Variants in VPS13C observed in about 807,000 individuals in gnomAD.
VPS13C encodes the protein vacuolar protein sorting 13 homolog C, also known as intermembrane lipid transfer protein VPS13C.
VPS13C carries 358 observed loss-of-function variants against 456.8 expected under a neutral mutation model. That is an observed-to-expected ratio of 0.78 (90% CI 0.72 to 0.86). The LOEUF (loss-of-function observed/expected upper bound fraction) is 0.86, where lower values mean the gene tolerates loss of function less well. Ranked by LOEUF, VPS13C falls within the 40% of genes least tolerant of loss-of-function variation. VPS13C has a pLI of 0.00. For synonymous variants in VPS13C, 1,578 were observed against 1,486.7 expected, an observed-to-expected ratio of 1.06 and a Z score of -1.41; for missense variants, 4,818 against 4,385.4, an observed-to-expected ratio of 1.10 and a Z score of -2.79.
chr15:61,873,238 G>T lies in VPS13C; in HGVS notation c.10578+8C>A. ...GCAGATTTCTTAAAGATTCAGCAAA[G>T]AACTTACTCGCAGAAAGCCCTTTCC... On this transcript the variant is annotated splice_region_variant and intron_variant, in intron 78 of 84. Coordinates refer to ENST00000644861, the MANE Select transcript of VPS13C (RefSeq NM_020821.3). The T allele has an allele frequency of 1.9e-6, 3 of 1,613,198 alleles. No individual in the cohort carries two copies. The highest frequency in any genetic ancestry group is 2.5e-6 in the Non-Finnish European group (3 of 1,179,488).
At chr15:61,901,349 G>A (rs980927794) in intron 66 of VPS13C, among the ~76,000 whole-genome samples, 16 of 151,994 alleles carry the variant, frequency 1.1e-4, no homozygotes, top group Admixed American at 2.6e-4. Context: ...GAAAAGTTTC[G>A]CAACCTACTC....
At chr15:62,052,922 C>T (rs771308848) in intron 1 of VPS13C, among the ~76,000 whole-genome samples, 6 of 152,036 alleles carry the variant, frequency 3.9e-5, no homozygotes, top group Non-Finnish European at 8.8e-5. Flanking sequence ...GAACTTTCTC[C>T]CTTTCAGTTC....
In VPS13C at chr15:61,878,733, A is replaced by G. The variant is rs1468354335; in HGVS notation, c.10016T>C (p.Leu3339Ser). 6.2e-7 allele frequency: 1 copy of G among 1,605,574 alleles called. No homozygotes were observed. Among genetic ancestry groups the G allele is most frequent in the East Asian group, 2.2e-5 (1 of 44,674 alleles). Reference sequence around the variant, plus strand: ...TTCTTCACCTCCGGAACCCAAAGACAAACTCAAATGCAACTAAAAGAAAAA... The same window carrying G: ...TTCTTCACCTCCGGAACCCAAAGACGAACTCAAATGCAACTAAAAGAAAAA... ...HISPVKLHLS[L>S]SLGSGGEESD... Residue 3339 changes from leucine (L) to serine (S), a missense_variant, in exon 74 of 85, where the codon TTG (leucine) becomes TCG (serine). Leu to Ser is a moderately radical substitution (Grantham distance 145, BLOSUM62 -2). This residue lies in a region of VPS13C where 4,552 missense variants were observed against 4,130.6 expected (regional missense o/e 1.10). Coordinates refer to ENST00000644861, the MANE Select transcript of VPS13C (RefSeq NM_020821.3).
intron 15 of VPS13C, among the ~76,000 whole-genome samples, chr15:62,003,628 C>T (rs922387940): frequency 1.2e-4 from 18 of 151,964 alleles, no homozygotes; most frequent in Middle Eastern, 3.4e-3. Flanking sequence ...CCAGTTTTTG[C>T]CCATTCACTA....
chr15:61,931,131 G>A lies in VPS13C; in HGVS notation c.5997C>T (p.Thr1999=). The A allele has an allele frequency of 1.2e-6, 2 of 1,614,068 alleles. No homozygotes were observed. Among genetic ancestry groups the A allele is most frequent in the South Asian group, 1.1e-5 (1 of 91,082 alleles). Residue 1999 remains threonine, a synonymous_variant, in exon 50 of 85, where the codon ACC becomes ACT. Transcript: ENST00000644861. ...CAATTCCTTCTCTGAGATCATCAAG[G>A]GTGCATGTCTTAAGTTTAACGCTGA... ...MNVSVKLKTC[T]LDDLREGIER...
intron 51 of VPS13C, among the ~76,000 whole-genome samples, chr15:61,928,700 C>A (rs573467967): frequency 6.6e-6 from 1 of 151,780 alleles, no homozygotes; most frequent in African/African-American, 2.4e-5. Context: ...GGAAACATGG[C>A]GAAGCCCCAT....
chr15:62,034,265 T>C (rs965464395), intron 4 of VPS13C, among the ~76,000 whole-genome samples: 1 of 151,692 alleles, frequency 6.6e-6, no homozygotes, highest in Admixed American at 6.6e-5. Context: ...CAATGTTGTA[T>C]ATATAATGTG....
intron 66 of VPS13C, among the ~76,000 whole-genome samples, chr15:61,895,084 A>G (rs1223137594): frequency 6.6e-6 from 1 of 152,212 alleles, no homozygotes; most frequent in African/African-American, 2.4e-5. Flanking sequence ...AAAGTATAAA[A>G]ACACAGAAAT....
chr15:62,021,657 T>C (rs1235677651), intron 8 of VPS13C, among the ~76,000 whole-genome samples: 1 of 151,920 alleles, frequency 6.6e-6, no homozygotes, highest in African/African-American at 2.4e-5. Flanking sequence ...CACATACAAT[T>C]TTCTAAATGG....
In VPS13C at chr15:62,033,320, A is replaced by T. The variant is rs184338375; in HGVS notation, c.385+121T>A. Reference sequence around the variant, plus strand: ...AAATATAAGCAATATTTTGAGATTAAAAAAAAATTATGTCTTTAGAACTTC... The same window carrying T: ...AAATATAAGCAATATTTTGAGATTATAAAAAAATTATGTCTTTAGAACTTC... On this transcript the variant is annotated intron_variant, in intron 5 of 84. Transcript: ENST00000644861. 269 of 543,190 alleles carry T rather than the reference A, an allele frequency of 5.0e-4. 2 individuals carry two copies. Among genetic ancestry groups the T allele is most frequent in the African/African-American group, 3.8e-3 (191 of 50,632 alleles). 33.6% of individuals were successfully genotyped at this position (543,190 alleles called of 1,614,324 possible). A position where few individuals can be genotyped will look rare whatever the true frequency, so the allele number is the denominator to read the frequency against.
intron 43 of VPS13C, among the ~76,000 whole-genome samples, chr15:61,946,878 T>C (rs1371617696): frequency 6.6e-6 from 1 of 152,062 alleles, no homozygotes; most frequent in Non-Finnish European, 1.5e-5. Context: ...ACTTCTATAA[T>C]AAACTGTATT....
chr15:62,007,626 T>C (rs1428242804), intron 14 of VPS13C, 147 bp from the exon 15 acceptor site: 10 of 650,844 alleles, frequency 1.5e-5, no homozygotes, highest in African/African-American at 9.3e-5. Flanking sequence ...CCCAGTAAAA[T>C]TGTCTGACTT....
At chr15:61,941,738 A>C (rs2140259255) in intron 46 of VPS13C, 25 bp downstream of exon 46, 1 of 1,567,550 alleles carries the variant, frequency 6.4e-7, no homozygotes. Flanking sequence ...AGTAAGCAAT[A>C]CACAATTAGA....
chr15:61,911,962 T>C lies in VPS13C; in HGVS notation c.8593A>G (p.Ile2865Val), dbSNP rs1566993551. 1.6e-5 allele frequency: 25 copies of C among 1,610,956 alleles called. No individual in the cohort carries two copies. Among genetic ancestry groups the C allele is most frequent in the East Asian group, 8.9e-5 (4 of 44,734 alleles). ...IKMSSFNLSR[I>V]VTLTPFCTIA... ...GTACAAAAGGGAGTCAGGGTAACTA[T>C]TCGTGAAAGGTTGAAACTGCTCATT... The change falls in exon 63 of 85, where the codon ATA (isoleucine) becomes GTA (valine). Residue 2865 changes from isoleucine to valine, a missense_variant. Around this residue, in one of 3 missense-constraint regions of VPS13C, gnomAD observed 4,552 missense variants for 4,130.6 expected, o/e 1.10. Coordinates refer to ENST00000644861, the MANE Select transcript of VPS13C (RefSeq NM_020821.3).
At chr15:61,970,744 T>A (rs2055305045) in intron 27 of VPS13C, among the ~76,000 whole-genome samples, 2 of 151,890 alleles carry the variant, frequency 1.3e-5, no homozygotes, top group African/African-American at 4.8e-5. Flanking sequence ...ACATTCTTTA[T>A]CACCATGAAG....
At chr15:61,905,117 TAGAAG>T (rs2043117834) in intron 66 of VPS13C, among the ~76,000 whole-genome samples, 1 of 152,252 alleles carries the variant, frequency 6.6e-6, no homozygotes, top group Non-Finnish European at 1.5e-5. Flanking sequence ...TCAAAATTGC[TAGAAG>T]AGAAGATTTG....
rs186010735 is a variant in VPS13C, at chr15:62,013,865, T to A, written c.744+68A>T. ...CCAATGGCATATTCTGCTCCATCAA[T>A]GTTTCTTCAAGAAAATAAATTAAGT... On this transcript the variant is annotated intron_variant, in intron 10 of 84. Coordinates refer to ENST00000644861, the MANE Select transcript of VPS13C (RefSeq NM_020821.3). 316 of 1,209,782 alleles carry A rather than the reference T, an allele frequency of 2.6e-4. No homozygotes were observed. The African/African-American group carries it at 4.5e-3, about 17-fold the overall frequency. The allele number at this position is 1,209,782 out of a possible 1,614,324, so 74.9% of individuals were successfully genotyped here.
intron 23 of VPS13C, 131 bp downstream of exon 23, chr15:61,978,495 A>G: frequency 8.8e-7 from 1 of 1,132,442 alleles, no homozygotes; most frequent in South Asian, 1.9e-5. Context: ...TACATGGTTT[A>G]TTTAAGCAGC....
intron 83 of VPS13C, 145 bp downstream of exon 83, chr15:61,856,141 C>G: frequency 1.0e-6 from 1 of 1,004,712 alleles, no homozygotes; most frequent in Non-Finnish European, 1.4e-6. Context: ...TACAGTTATT[C>G]AAATAAATTG....
Sources: allele counts gnomAD v4.1 joint callset (sites outside exome capture counted in the v4.1 genomes callset), GRCh38; gene constraint gnomAD v4.1.1; regional missense constraint gnomAD v4.1.1; transcripts MANE v1.5; gene names NCBI Gene and HGNC (gene_info 2026-07-23, HGNC 2026-07-21).